DCC: variants seen among roughly 807,000 people sequenced by gnomAD.
The protein encoded by DCC is DCC netrin 1 receptor.
Under a neutral mutation model 172.5 loss-of-function variants are expected in DCC, and 58 were observed. The observed-to-expected ratio is 0.34, with a 90% confidence interval of 0.27 to 0.42. The LOEUF (loss-of-function observed/expected upper bound fraction) is 0.42. Ranked by LOEUF, DCC falls within the 10% of genes least tolerant of loss-of-function variation. DCC has a pLI of 1.00. For synonymous variants in DCC, 709 were observed against 644.5 expected, an observed-to-expected ratio of 1.10 and a Z score of -1.52; for missense variants, 1,740 against 1,791.0, an observed-to-expected ratio of 0.97 and a Z score of 0.51.
At chr18:53,263,594 A>C (rs186159464) in intron 12 of DCC, among the ~76,000 whole-genome samples, 191 of 152,322 alleles carry the variant, frequency 1.3e-3, no homozygotes, top group African/African-American at 3.9e-3. Flanking sequence ...AACATTATTA[A>C]TGGTGCATCT....
chr18:52,939,030 T>G (rs777666063), intron 5 of DCC, among the ~76,000 whole-genome samples: 1 of 152,178 alleles, frequency 6.6e-6, no homozygotes, highest in Non-Finnish European at 1.5e-5. Flanking sequence ...TCAAGGGACT[T>G]CCACTTTTTT....
intron 1 of DCC, among the ~76,000 whole-genome samples, chr18:52,621,165 T>G (rs562070303): frequency 6.6e-6 from 1 of 152,348 alleles, no homozygotes; most frequent in Non-Finnish European, 1.5e-5. Context: ...TTTTTATGTT[T>G]AACTTGGTTA....
chr18:53,157,908 G>C (rs573420419), intron 8 of DCC, among the ~76,000 whole-genome samples: 2 of 152,074 alleles, frequency 1.3e-5, no homozygotes, highest in Non-Finnish European at 2.9e-5. Flanking sequence ...ACTTCTCTGA[G>C]CCTCATTTTC....
At chr18:53,461,529 T>G (rs2045559658) in intron 24 of DCC, among the ~76,000 whole-genome samples, 1 of 152,204 alleles carries the variant, frequency 6.6e-6, no homozygotes, top group African/African-American at 2.4e-5. Context: ...CACCATTTAT[T>G]AAATAGGGAA....
At chr18:52,842,923 C>T (rs2038829868) in intron 2 of DCC, among the ~76,000 whole-genome samples, 1 of 150,548 alleles carries the variant, frequency 6.6e-6, no homozygotes, top group Non-Finnish European at 1.5e-5. Flanking sequence ...ATGAGAAAAA[C>T]TTGAAGAGAA....
In DCC at chr18:52,920,533, AT is replaced by A. The variant is rs145103174; in HGVS notation, c.698-3173del. Among the ~76,000 whole-genome samples, 777 of 151,042 alleles carry A rather than the reference AT, an allele frequency of 5.1e-3. 8 individuals are homozygous for A. The highest frequency in any genetic ancestry group is 0.016 in the African/African-American group (636 of 40,860). ...TTAGAATGGCTAAAATACAAAAAAA[AT>A]AATGGCAATAGCAAATGCTGACAAG... On this transcript the variant is annotated intron_variant, in intron 3 of 28. Coordinates refer to ENST00000442544, the MANE Select transcript of DCC (RefSeq NM_005215.4).
In DCC at chr18:53,486,906, G is replaced by C. The variant is rs777911293; in HGVS notation, c.3846G>C (p.Val1282=). The C allele has an allele frequency of 2.5e-6, 4 of 1,614,070 alleles. No homozygotes were observed. The highest frequency in any genetic ancestry group is 3.4e-6 in the Non-Finnish European group (4 of 1,180,052). Residue 1282 remains valine (V), a synonymous_variant, in exon 26 of 29, where the codon GTG becomes GTC. Coordinates refer to ENST00000442544, the MANE Select transcript of DCC (RefSeq NM_005215.4). The stretch of plus-strand genomic sequence containing the variant: ...ACCCGCAGTTCACTCTCCGGCCTGT[G>C]CCATTCCCAACACTCTCAGTGGACC... ...YPHPQFTLRP[V]PFPTLSVDRG... is the part of the protein sequence containing the mutation.
intron 1 of DCC, among the ~76,000 whole-genome samples, chr18:52,509,837 C>T (rs1225764108): frequency 6.6e-6 from 1 of 150,462 alleles, no homozygotes; most frequent in Non-Finnish European, 1.5e-5. Context: ...GGCACGGTGG[C>T]TCACGTCTGT....
At chr18:53,409,994 C>T (rs1188846400) in intron 19 of DCC, among the ~76,000 whole-genome samples, 1 of 152,152 alleles carries the variant, frequency 6.6e-6, no homozygotes, top group East Asian at 1.9e-4. Context: ...GATCAAATAT[C>T]ATTTATTTAT....
At chr18:52,997,831 T>C (rs1049291754) in intron 5 of DCC, among the ~76,000 whole-genome samples, 21 of 152,158 alleles carry the variant, frequency 1.4e-4, no homozygotes, top group African/African-American at 4.3e-4. Flanking sequence ...TGTGTGTCTT[T>C]ATGATATTCT....
At chr18:52,549,492 G>T (rs905470271) in intron 1 of DCC, among the ~76,000 whole-genome samples, 8 of 151,930 alleles carry the variant, frequency 5.3e-5, no homozygotes, top group African/African-American at 1.9e-4. Context: ...CCTTCCTAAA[G>T]ACCCAACAAA....
chr18:53,465,361 C>T (rs72918232), intron 24 of DCC, among the ~76,000 whole-genome samples: 277 of 152,062 alleles, frequency 1.8e-3, no homozygotes, highest in Non-Finnish European at 3.3e-3. Context: ...ATTGTTAACC[C>T]AATTCTGTTT....
At chr18:52,836,915 C>T (rs1332100252) in intron 2 of DCC, among the ~76,000 whole-genome samples, 1 of 152,246 alleles carries the variant, frequency 6.6e-6, no homozygotes, top group Non-Finnish European at 1.5e-5. Context: ...AAACTTCTAC[C>T]TGAACATCCA....
chr18:52,897,252 G>A (rs1025295564), intron 2 of DCC, among the ~76,000 whole-genome samples: 1 of 152,174 alleles, frequency 6.6e-6, no homozygotes, highest in African/African-American at 2.4e-5. Context: ...ATGATTCTGA[G>A]AAAGACTTAG....
intron 7 of DCC, among the ~76,000 whole-genome samples, chr18:53,078,179 T>C (rs1293249501): frequency 6.6e-6 from 1 of 152,158 alleles, no homozygotes; most frequent in Non-Finnish European, 1.5e-5. Context: ...CAGTCCCAGC[T>C]ACTTGGGAGA....
chr18:52,367,257 C>G (rs1319873983), intron 1 of DCC, among the ~76,000 whole-genome samples: 4 of 152,214 alleles, frequency 2.6e-5, no homozygotes. Context: ...AAGTGCCGCA[C>G]GCAGCCCCGG....
chr18:52,757,673 T>G (rs991395425), intron 2 of DCC, among the ~76,000 whole-genome samples: 3 of 152,096 alleles, frequency 2.0e-5, no homozygotes, highest in Admixed American at 1.3e-4. Flanking sequence ...TGTGTCCAGG[T>G]AGATTTGTCT....
intron 8 of DCC, among the ~76,000 whole-genome samples, chr18:53,176,043 T>C (rs1272578446): frequency 1.3e-5 from 2 of 149,204 alleles, no homozygotes; most frequent in Non-Finnish European, 3.0e-5. Flanking sequence ...AACTATCTGA[T>C]CTTTGACAAA....
intron 7 of DCC, among the ~76,000 whole-genome samples, chr18:53,121,675 T>C (rs1017117510): frequency 1.3e-4 from 20 of 152,074 alleles, no homozygotes; most frequent in African/African-American, 4.6e-4. Context: ...TCAAATACAA[T>C]GTAATACTAA....
Sources: allele counts gnomAD v4.1 joint callset (sites outside exome capture counted in the v4.1 genomes callset), GRCh38; gene constraint gnomAD v4.1.1; transcripts MANE v1.5; gene names NCBI Gene and HGNC (gene_info 2026-07-23, HGNC 2026-07-21).